SUGCT: variants seen among roughly 807,000 people sequenced by gnomAD.
The protein encoded by SUGCT is succinyl-CoA:glutarate-CoA transferase.
SUGCT carries 41 observed loss-of-function variants against 55.0 expected under a neutral mutation model. The ratio of observed to expected loss-of-function variants is 0.74; its 90% CI spans 0.58 to 0.97. The LOEUF is 0.97. Ranked by LOEUF, SUGCT falls within the 50% of genes least tolerant of loss-of-function variation. SUGCT has a pLI of 0.00. For synonymous variants in SUGCT, 187 were observed against 200.4 expected, an observed-to-expected ratio of 0.93 and a Z score of 0.56; for missense variants, 568 against 547.8, an observed-to-expected ratio of 1.04 and a Z score of -0.37.
chr7:40,970,780 C>T, the SUGCT span, among the ~76,000 whole-genome samples: 1 of 152,070 alleles, frequency 6.6e-6, no homozygotes, highest in Non-Finnish European at 1.5e-5. Context: ...GGAGTGGGGA[C>T]ATTCCATAGA....
chr7:40,247,273 T>C lies in SUGCT; in HGVS notation c.576+9547T>C, dbSNP rs148657178. ...TTGATAATGCAAGTCTTTTTTTGTG[T>C]GAGACAGAGTCTTGCTCTGTTGCCC... On this transcript the variant is annotated intron_variant, in intron 7 of 13. Coordinates refer to ENST00000335693, the MANE Select transcript of SUGCT (RefSeq NM_001193313.2). 4.0e-3 allele frequency among the ~76,000 whole-genome samples: 604 copies of C among 152,210 alleles called. 5 individuals are homozygous for C. Among genetic ancestry groups the C allele is most frequent in the African/African-American group, 0.014 (584 of 41,542 alleles).
At chr7:40,728,352 C>T (rs1786715108) in intron 12 of SUGCT, among the ~76,000 whole-genome samples, 1 of 152,054 alleles carries the variant, frequency 6.6e-6, no homozygotes, top group South Asian at 2.1e-4. Context: ...AACACTGTCT[C>T]TACTAAAAAT....
chr7:40,560,571 C>A (rs1193079682), intron 12 of SUGCT, among the ~76,000 whole-genome samples: 1 of 152,154 alleles, frequency 6.6e-6, no homozygotes, highest in African/African-American at 2.4e-5. Flanking sequence ...AAGGTGAAAT[C>A]CAATACTCCA....
At chr7:40,572,253 G>A (rs959894186) in intron 12 of SUGCT, among the ~76,000 whole-genome samples, 1 of 152,220 alleles carries the variant, frequency 6.6e-6, no homozygotes, top group African/African-American at 2.4e-5. Context: ...AAAAATTCAG[G>A]GGGGAAAAAG....
chr7:40,876,221 CACT>C, the SUGCT span, among the ~76,000 whole-genome samples: 1 of 152,258 alleles, frequency 6.6e-6, no homozygotes, highest in South Asian at 2.1e-4. Context: ...GACATTATCT[CACT>C]ACTCATAATA....
chr7:40,709,681 G>C (rs748362180), intron 12 of SUGCT, among the ~76,000 whole-genome samples: 24 of 152,182 alleles, frequency 1.6e-4, no homozygotes, highest in Admixed American at 3.3e-4. Context: ...CAAGTGCATT[G>C]GCTGGTCAGG....
rs546043113 is a variant in SUGCT, at chr7:40,824,550, G to T, written c.1154-35766G>T. ...ATGGTATGCATTCGTTGGGGTACAT[G>T]ATGCAAGCTGCTACAACAACCGCTA... On this transcript the variant is annotated intron_variant, in intron 13 of 13. Transcript: ENST00000335693. 3.3e-5 allele frequency among the ~76,000 whole-genome samples: 5 copies of T among 152,320 alleles called. No individual in the cohort carries two copies. The East Asian group carries it at 9.6e-4, about 29-fold the overall frequency.
chr7:40,892,125 A>G, the SUGCT span, among the ~76,000 whole-genome samples: 2 of 152,278 alleles, frequency 1.3e-5, no homozygotes, highest in African/African-American at 2.4e-5. Flanking sequence ...GTTAAAAGAT[A>G]AATGTATTAA....
At chr7:41,033,933 A>G in the SUGCT span, among the ~76,000 whole-genome samples, 1 of 152,066 alleles carries the variant, frequency 6.6e-6, no homozygotes, top group Admixed American at 6.5e-5. Flanking sequence ...TGGAAAAGAT[A>G]ATTGACACAA....
At chr7:40,429,307 C>T (rs1366482173) in intron 9 of SUGCT, among the ~76,000 whole-genome samples, 3 of 152,018 alleles carry the variant, frequency 2.0e-5, no homozygotes, top group Non-Finnish European at 4.4e-5. Flanking sequence ...CCCTTCTTCC[C>T]ATGCATGGTG....
intron 6 of SUGCT, among the ~76,000 whole-genome samples, chr7:40,199,847 A>T (rs569153266): frequency 6.6e-6 from 1 of 151,534 alleles, no homozygotes; most frequent in Admixed American, 6.6e-5. Flanking sequence ...TATTTTTGTG[A>T]ATTCCTCAGG....
chr7:40,446,703 CTATT>C (rs1336483369), intron 9 of SUGCT, among the ~76,000 whole-genome samples: 1 of 152,108 alleles, frequency 6.6e-6, no homozygotes, highest in Non-Finnish European at 1.5e-5. Context: ...CATTTACCAA[CTATT>C]TATTAATTGC....
At chr7:40,952,464 A>G in the SUGCT span, among the ~76,000 whole-genome samples, 1 of 152,118 alleles carries the variant, frequency 6.6e-6, no homozygotes, top group Non-Finnish European at 1.5e-5. Flanking sequence ...TTTAAAATTA[A>G]TATTGTTATA....
chr7:40,512,479 G>C (rs1792982402), intron 12 of SUGCT, among the ~76,000 whole-genome samples: 1 of 152,204 alleles, frequency 6.6e-6, no homozygotes, highest in Non-Finnish European at 1.5e-5. Flanking sequence ...CAGTTAGACA[G>C]ACCTGGCTTT....
At chr7:40,575,709 G>C (rs1436713765) in intron 12 of SUGCT, among the ~76,000 whole-genome samples, 1 of 152,146 alleles carries the variant, frequency 6.6e-6, no homozygotes, top group Non-Finnish European at 1.5e-5. Flanking sequence ...ACTTTGGGAG[G>C]CTGAGGCGGG....
chr7:40,954,110 C>A, the SUGCT span, among the ~76,000 whole-genome samples: 1 of 152,154 alleles, frequency 6.6e-6, no homozygotes, highest in Non-Finnish European at 1.5e-5. Context: ...CCAGTTCGAG[C>A]TTCCTGGCCA....
intron 12 of SUGCT, among the ~76,000 whole-genome samples, chr7:40,727,910 AT>A (rs996205094): frequency 9.9e-5 from 15 of 152,122 alleles, no homozygotes; most frequent in African/African-American, 3.4e-4. Context: ...TGTGAACATA[AT>A]TTTACTATTT....
At chr7:40,157,557 T>C (rs186577685) in intron 1 of SUGCT, among the ~76,000 whole-genome samples, 154 of 152,320 alleles carry the variant, frequency 1.0e-3, no homozygotes, top group African/African-American at 3.6e-3. Context: ...CTTAAATATT[T>C]TTAATGTAAA....
intron 9 of SUGCT, among the ~76,000 whole-genome samples, chr7:40,416,668 T>G (rs1373576987): frequency 6.6e-5 from 10 of 152,000 alleles, no homozygotes; most frequent in Admixed American, 6.5e-4. Context: ...ATTGATTTAA[T>G]TTGATAGTAT....
Sources: allele counts gnomAD v4.1 joint callset (sites outside exome capture counted in the v4.1 genomes callset), GRCh38; gene constraint gnomAD v4.1.1; transcripts MANE v1.5; gene names NCBI Gene and HGNC (gene_info 2026-07-23, HGNC 2026-07-21).